The following FRMPD2 variants were observed in gnomAD, a reference collection of about 807,000 sequenced individuals.
FRMPD2 encodes FERM and PDZ domain containing 2.
In FRMPD2, 96 loss-of-function variants were observed where a neutral mutation model predicts 140.1. The observed-to-expected ratio is 0.69, with a 90% confidence interval of 0.58 to 0.81. The LOEUF (loss-of-function observed/expected upper bound fraction) is 0.81. FRMPD2 is among the 40% of genes least tolerant of loss of function. FRMPD2 has a pLI of 0.00. For synonymous variants in FRMPD2, 449 were observed against 547.6 expected, an observed-to-expected ratio of 0.82 and a Z score of 2.52; for missense variants, 1,240 against 1,447.4, an observed-to-expected ratio of 0.86 and a Z score of 2.32.
chr10:48,249,175 G>C lies in FRMPD2; in HGVS notation c.155C>G (p.Ser52Cys), dbSNP rs370292189. The change falls in exon 3 of 29, where the codon TCC (serine) becomes TGC (cysteine). Residue 52 changes from serine (S) to cysteine (C), a missense_variant. Coordinates refer to ENST00000374201, the MANE Select transcript of FRMPD2 (RefSeq NM_001018071.4). ...CCAGGGGCAAACCACATAGTCCGAG[G>C]AATCTGAAACCAAGCCAGTGATGGG... ...EQLLEDLRND[S>C]SDYVVCPWSA... 2.3e-5 allele frequency: 37 copies of C among 1,613,676 alleles called. No homozygotes were observed. Among genetic ancestry groups the C allele is most frequent in the Non-Finnish European group, 3.1e-5 (36 of 1,179,814 alleles).
chr10:48,200,329 C>G (rs1839055888), intron 15 of FRMPD2, among the ~76,000 whole-genome samples: 1 of 152,160 alleles, frequency 6.6e-6, no homozygotes, highest in Non-Finnish European at 1.5e-5. Flanking sequence ...GCTCACCTGC[C>G]TCCTCGAATC....
intron 12 of FRMPD2, 51 bp from the exon 13 acceptor site, chr10:48,212,160 G>C: frequency 1.3e-6 from 2 of 1,573,320 alleles, no homozygotes; most frequent in Non-Finnish European, 1.7e-6. Context: ...CTGGCCGGGG[G>C]ACTCTGAGAG....
At chr10:48,255,981 A>G (rs1840480903) in intron 1 of FRMPD2, among the ~76,000 whole-genome samples, 1 of 152,192 alleles carries the variant, frequency 6.6e-6, no homozygotes, top group African/African-American at 2.4e-5. Context: ...AAGAGTTTGC[A>G]TTTTGGCGTA....
intron 15 of FRMPD2, among the ~76,000 whole-genome samples, chr10:48,196,710 G>T (rs879492743): frequency 6.6e-6 from 1 of 152,184 alleles, no homozygotes; most frequent in Non-Finnish European, 1.5e-5. Flanking sequence ...CGCTGAAAAG[G>T]GTTACATGAA....
intron 9 of FRMPD2, among the ~76,000 whole-genome samples, chr10:48,233,331 C>T (rs1839898201): frequency 6.6e-6 from 1 of 152,210 alleles, no homozygotes; most frequent in Non-Finnish European, 1.5e-5. Flanking sequence ...ACCTTGGTTC[C>T]TACACTTGCT....
intron 28 of FRMPD2, among the ~76,000 whole-genome samples, chr10:48,161,199 A>C (rs1202959342): frequency 4.7e-5 from 7 of 150,072 alleles, no homozygotes; most frequent in Non-Finnish European, 8.9e-5. Flanking sequence ...GGGCGTTCAC[A>C]ACAGACTGAA....
At chr10:48,209,606 A>C (rs1245516925) in intron 13 of FRMPD2, among the ~76,000 whole-genome samples, 1 of 152,246 alleles carries the variant, frequency 6.6e-6, no homozygotes, top group Non-Finnish European at 1.5e-5. Context: ...GGGCTCTGTG[A>C]TGGGCACTGA....
chr10:48,181,001 AC>A lies in FRMPD2; in HGVS notation c.2591del (p.Gly864ValfsTer23). Reference sequence around the variant, plus strand: ...TCTTTTCTTCATCTGGGTTATTTCCACCAACACCTATAAAAACAAGCCAAGA... The same window carrying A: ...TCTTTTCTTCATCTGGGTTATTTCCACAACACCTATAAAAACAAGCCAAGA... ...ELIISQSKGV[G>X]GNNPDEEKNS... On this transcript the variant is annotated frameshift_variant, in exon 21 of 29. Coordinates refer to ENST00000374201, the MANE Select transcript of FRMPD2 (RefSeq NM_001018071.4). LOFTEE classifies it high-confidence loss of function. 1 of 1,207,134 alleles carries A rather than the reference AC, an allele frequency of 8.3e-7. No individual in the cohort carries two copies. The highest frequency in any genetic ancestry group is 1.2e-6 in the Non-Finnish European group (1 of 810,838). The allele number at this position is 1,207,134 out of a possible 1,614,324, so 74.8% of individuals were successfully genotyped here.
At chr10:48,256,120 G>C (rs1435489888) in intron 1 of FRMPD2, among the ~76,000 whole-genome samples, 1 of 152,198 alleles carries the variant, frequency 6.6e-6, no homozygotes, top group Non-Finnish European at 1.5e-5. Context: ...GAGAGTTCCA[G>C]AGGGCTGACT....
At chr10:48,215,639 T>TG in intron 12 of FRMPD2, among the ~76,000 whole-genome samples, 1 of 152,160 alleles carries the variant, frequency 6.6e-6, no homozygotes. Flanking sequence ...GGTCTGCCTT[T>TG]GGGGGCCACA....
In FRMPD2 at chr10:48,249,073, G is replaced by A; in HGVS notation, c.257C>T (p.Ala86Val). The A allele has an allele frequency of 6.2e-7, 1 of 1,613,878 alleles. No individual in the cohort carries two copies. Among genetic ancestry groups the A allele is most frequent in the South Asian group, 1.1e-5 (1 of 91,062 alleles). Residue 86 changes from alanine (A) to valine (V), a missense_variant, in exon 3 of 29, where the codon GCC becomes GTC. Coordinates refer to ENST00000374201, the MANE Select transcript of FRMPD2 (RefSeq NM_001018071.4). ...VSHIEAAPFK[A>V]PELLQGQSED... ...ACTCTGTCCCTGTAGCAGTTCAGGG[G>A]CCTTGAAAGGAGCAGCCTCTATATG...
At chr10:48,190,046 G>A (rs1371582182) in intron 16 of FRMPD2, among the ~76,000 whole-genome samples, 2 of 152,186 alleles carry the variant, frequency 1.3e-5, no homozygotes, top group Non-Finnish European at 2.9e-5. Context: ...ATTGGCAAAG[G>A]ACTTCCATGA....
chr10:48,266,746 C>T (rs938212898), intron 1 of FRMPD2, among the ~76,000 whole-genome samples: 2 of 152,222 alleles, frequency 1.3e-5, no homozygotes, highest in Non-Finnish European at 2.9e-5. Context: ...TGGTGACTTG[C>T]GTCACACCCT....
At chr10:48,222,660 A>T (rs1171869168) in intron 11 of FRMPD2, among the ~76,000 whole-genome samples, 2 of 152,212 alleles carry the variant, frequency 1.3e-5, no homozygotes, top group Non-Finnish European at 2.9e-5. Context: ...ACTCTATGCC[A>T]GTCACTTCAT....
At chr10:48,194,208 G>A (rs755189006) in intron 15 of FRMPD2, among the ~76,000 whole-genome samples, 3 of 152,136 alleles carry the variant, frequency 2.0e-5, no homozygotes, top group Non-Finnish European at 2.9e-5. Context: ...AACCCTATGG[G>A]GTAGATATTA....
At chr10:48,212,981 C>G (rs896766039) in intron 12 of FRMPD2, among the ~76,000 whole-genome samples, 6 of 152,190 alleles carry the variant, frequency 3.9e-5, no homozygotes, top group Admixed American at 1.3e-4. Flanking sequence ...TCTCAGGAAG[C>G]CTTTCCCAGC....
At chr10:48,172,491 C>CT (rs1188547184) in intron 25 of FRMPD2, among the ~76,000 whole-genome samples, 5 of 152,196 alleles carry the variant, frequency 3.3e-5, no homozygotes, top group African/African-American at 1.2e-4. Flanking sequence ...TCTAAACGAT[C>CT]TTTCGTTTGC....
chr10:48,172,752 C>T (rs1346760374), intron 25 of FRMPD2, among the ~76,000 whole-genome samples, 194 bp downstream of exon 25: 4 of 152,142 alleles, frequency 2.6e-5, no homozygotes, highest in Non-Finnish European at 5.9e-5. Context: ...GGGGAAAATG[C>T]ATTTGTTTCC....
At chr10:48,242,536 C>G (rs115779386) in intron 4 of FRMPD2, among the ~76,000 whole-genome samples, 184 bp from the exon 5 acceptor site, 3 of 152,250 alleles carry the variant, frequency 2.0e-5, no homozygotes, top group Non-Finnish European at 4.4e-5. Flanking sequence ...CCGCAAAGTG[C>G]GGAGCAATCA....
Sources: gnomAD v4.1 joint callset for allele counts (sites outside exome capture counted in the v4.1 genomes callset) on GRCh38, gnomAD v4.1.1 for gene constraint, MANE v1.5 for transcripts, NCBI Gene and HGNC (gene_info 2026-07-23, HGNC 2026-07-21) for gene names.